The following IKZF1 variants were observed in gnomAD, a reference collection of about 807,000 sequenced individuals.
IKZF1 encodes IKAROS family zinc finger 1, also known as DNA-binding protein Ikaros.
Under a neutral mutation model 51.7 loss-of-function variants are expected in IKZF1, and 10 were observed. The observed-to-expected ratio is 0.19, with a 90% CI of 0.12 to 0.33. IKZF1 has a LOEUF of 0.33. Ranked by LOEUF, IKZF1 falls within the 10% of genes least tolerant of loss-of-function variation. The pLI, the probability that IKZF1 is intolerant of heterozygous loss-of-function variation, is 1.00. For missense variants in IKZF1, 484 were observed against 707.5 expected, an observed-to-expected ratio of 0.68 and a Z score of 3.58; for synonymous variants, 280 against 282.3, an observed-to-expected ratio of 0.99 and a Z score of 0.08.
intron 3 of IKZF1, among the ~76,000 whole-genome samples, chr7:50,354,570 C>A (rs529292765): frequency 6.6e-6 from 1 of 152,150 alleles, no homozygotes; most frequent in Admixed American, 6.5e-5. Context: ...TTGTACTGTA[C>A]GTTTTTGTTT....
At chr7:50,381,991 G>C (rs1400363709) in intron 4 of IKZF1, among the ~76,000 whole-genome samples, 1 of 152,148 alleles carries the variant, frequency 6.6e-6, no homozygotes, top group Non-Finnish European at 1.5e-5. Context: ...GAAATTGAAA[G>C]GGAAAATACA....
intron 1 of IKZF1, chr7:50,318,280 C>G (rs145758909): frequency 4.3e-6 from 1 of 231,418 alleles, no homozygotes; most frequent in African/African-American, 2.2e-5. Flanking sequence ...GCAGCATCTT[C>G]CCAGTTGTTT....
chr7:50,336,449 G>A (rs959306675), intron 3 of IKZF1, among the ~76,000 whole-genome samples: 10 of 152,122 alleles, frequency 6.6e-5, no homozygotes, highest in South Asian at 4.1e-4. Context: ...GCCCGCACTC[G>A]CTCTGAGGCT....
chr7:50,375,639 T>C (rs1238608661), intron 3 of IKZF1, among the ~76,000 whole-genome samples: 1 of 151,942 alleles, frequency 6.6e-6, no homozygotes, highest in Non-Finnish European at 1.5e-5. Flanking sequence ...ATGTGTGACT[T>C]AAAGGTAACA....
chr7:50,350,713 G>A (rs978951083), intron 3 of IKZF1, among the ~76,000 whole-genome samples: 1 of 152,204 alleles, frequency 6.6e-6, no homozygotes, highest in African/African-American at 2.4e-5. Context: ...CATCATTTCT[G>A]TTCTTTCATT....
In IKZF1 at chr7:50,400,006, A is replaced by AGCCATCAACAAC. The variant is rs775548289; in HGVS notation, c.949_960dup (p.Asn317_Asn320dup). ...TGATGAAGTCCCACGTGATGGACCA[A>AGCCATCAACAAC]GCCATCAACAACGCCATCAACTACC... On this transcript the variant is annotated inframe_insertion, in exon 8 of 8. Transcript: ENST00000331340. The surrounding 1 kb of genome is among the most constrained non-coding windows in gnomAD (Gnocchi z 5.4). 1 of 1,613,364 alleles carries AGCCATCAACAAC rather than the reference A, an allele frequency of 6.2e-7. No homozygotes were observed. The highest frequency in any genetic ancestry group is 1.7e-5 in the Admixed American group (1 of 59,986).
intron 1 of IKZF1, among the ~76,000 whole-genome samples, chr7:50,309,169 T>G (rs1453077955): frequency 6.6e-6 from 1 of 152,236 alleles, no homozygotes; most frequent in Non-Finnish European, 1.5e-5. Context: ...AAATGGGTCC[T>G]AATTAGTGGA....
chr7:50,319,424 T>C (rs1792527004), intron 2 of IKZF1, among the ~76,000 whole-genome samples: 2 of 152,110 alleles, frequency 1.3e-5, no homozygotes, highest in African/African-American at 4.8e-5. Context: ...ATGATGGTAC[T>C]TAAAGAGAGA....
At chr7:50,326,936 TC>T (rs1161966924) in intron 2 of IKZF1, among the ~76,000 whole-genome samples, 1 of 152,174 alleles carries the variant, frequency 6.6e-6, no homozygotes, top group African/African-American at 2.4e-5. Flanking sequence ...AATGTATAGC[TC>T]TAAGCAGAAT....
intron 3 of IKZF1, among the ~76,000 whole-genome samples, chr7:50,350,270 CCT>C (rs1216939468): frequency 6.6e-6 from 1 of 152,226 alleles, no homozygotes; most frequent in African/African-American, 2.4e-5. Flanking sequence ...CTGCACATTC[CCT>C]CTTTGAGGTG....
At chr7:50,317,948 G>T (rs1405097665) in intron 1 of IKZF1, among the ~76,000 whole-genome samples, 1 of 152,158 alleles carries the variant, frequency 6.6e-6, no homozygotes, top group Non-Finnish European at 1.5e-5. Context: ...TAAAAAGGGG[G>T]ACAGGGGGAC....
chr7:50,384,764 G>A (rs57345445), intron 5 of IKZF1, among the ~76,000 whole-genome samples: 8,383 of 152,316 alleles, frequency 0.055, 265 homozygotes, highest in East Asian at 0.12. Context: ...TTTCTAAGGA[G>A]CCATGTAGAC....
chr7:50,328,328 A>C (rs1319154451), intron 3 of IKZF1: 1 of 152,276 alleles, frequency 6.6e-6, no homozygotes, highest in African/African-American at 2.4e-5. Flanking sequence ...TGGTTAACTT[A>C]CACATGCGAC....
At chr7:50,380,563 C>A (rs1327506811) in intron 4 of IKZF1, among the ~76,000 whole-genome samples, 1 of 152,184 alleles carries the variant, frequency 6.6e-6, no homozygotes, top group Non-Finnish European at 1.5e-5. Context: ...ATACCACAAA[C>A]ACTGTTGTGT....
At chr7:50,315,340 A>G (rs967996119) in intron 1 of IKZF1, among the ~76,000 whole-genome samples, 1 of 152,160 alleles carries the variant, frequency 6.6e-6, no homozygotes, top group Non-Finnish European at 1.5e-5. Context: ...ACAGAGATTT[A>G]GACCTCCCAA....
chr7:50,351,065 G>A (rs1218204365), intron 3 of IKZF1, among the ~76,000 whole-genome samples: 2 of 152,208 alleles, frequency 1.3e-5, no homozygotes, highest in Non-Finnish European at 2.9e-5. Flanking sequence ...GAATAAAATA[G>A]TGGAAGCCAA....
chr7:50,340,972 A>T (rs2153415583), intron 3 of IKZF1, among the ~76,000 whole-genome samples: 1 of 152,242 alleles, frequency 6.6e-6, no homozygotes, highest in East Asian at 1.9e-4. Context: ...TGATTTTTAT[A>T]TTTGACTTTG....
chr7:50,316,520 G>T (rs1032013005), intron 1 of IKZF1, among the ~76,000 whole-genome samples: 1 of 152,222 alleles, frequency 6.6e-6, no homozygotes, highest in Non-Finnish European at 1.5e-5. Flanking sequence ...CAATAGACGC[G>T]CTCCAGGAAG....
intron 3 of IKZF1, among the ~76,000 whole-genome samples, chr7:50,356,021 G>A (rs899673387): frequency 2.0e-5 from 3 of 152,192 alleles, no homozygotes; most frequent in African/African-American, 7.2e-5. Context: ...CCACAGATGG[G>A]TTAATTCACT....
Sources: allele counts gnomAD v4.1 joint callset (sites outside exome capture counted in the v4.1 genomes callset), GRCh38; gene constraint gnomAD v4.1.1; non-coding constraint Gnocchi (gnomAD v3.1); transcripts MANE v1.5; gene names NCBI Gene and HGNC (gene_info 2026-07-23, HGNC 2026-07-21).